MAP4K5: variants seen among roughly 807,000 people sequenced by gnomAD.
The protein encoded by MAP4K5 is MAPK/ERK kinase kinase kinase 5.
A neutral mutation model predicts 135.6 loss-of-function variants in MAP4K5; 82 were observed. The ratio of observed to expected loss-of-function variants is 0.60; its 90% CI spans 0.51 to 0.73. The LOEUF is 0.73. Ranked by LOEUF, MAP4K5 falls within the 30% of genes least tolerant of loss-of-function variation. The probability of loss-of-function intolerance (pLI) is 0.00; values close to 1 mark genes in which losing one functional copy is unlikely to be tolerated. For synonymous variants in MAP4K5, 347 were observed against 335.0 expected (o/e 1.04, Z -0.39); for missense variants, 907 against 1,010.9 (o/e 0.90, Z 1.39).
intron 3 of MAP4K5, among the ~76,000 whole-genome samples, chr14:50,498,109 G>A (rs754526957): frequency 6.6e-6 from 1 of 152,182 alleles, no homozygotes; most frequent in African/African-American, 2.4e-5. Flanking sequence ...GGCAAACTGA[G>A]CATCTGTAAA....
chr14:50,433,879 T>C (rs2036030163), intron 28 of MAP4K5, among the ~76,000 whole-genome samples: 1 of 152,214 alleles, frequency 6.6e-6, no homozygotes, highest in African/African-American at 2.4e-5. Context: ...AATGATTTGT[T>C]CTAATTTTAA....
intron 30 of MAP4K5, among the ~76,000 whole-genome samples, chr14:50,426,317 T>C (rs1387718436): frequency 6.6e-6 from 1 of 152,222 alleles, no homozygotes; most frequent in Non-Finnish European, 1.5e-5. Context: ...AAAACATATA[T>C]AACTGGGTTT....
chr14:50,447,596 A>G, intron 15 of MAP4K5, 115 bp from the exon 16 acceptor site: 1 of 624,388 alleles, frequency 1.6e-6, no homozygotes, highest in Non-Finnish European at 2.8e-6. Context: ...GCATTCAATC[A>G]ATTTTTTAAT....
intron 13 of MAP4K5, among the ~76,000 whole-genome samples, chr14:50,458,061 CA>C (rs2139788485): frequency 6.6e-6 from 1 of 152,296 alleles, no homozygotes; most frequent in African/African-American, 2.4e-5. Context: ...ACTTTGCCCA[CA>C]AACACTTCTC....
At chr14:50,424,411 C>T (rs2035799760) in intron 31 of MAP4K5, among the ~76,000 whole-genome samples, 2 of 151,934 alleles carry the variant, frequency 1.3e-5, no homozygotes, top group African/African-American at 4.8e-5. Flanking sequence ...AAAAGGTAAT[C>T]AAGACGAATT....
chr14:50,477,824 T>G (rs1016362540), intron 6 of MAP4K5, among the ~76,000 whole-genome samples: 2 of 152,204 alleles, frequency 1.3e-5, no homozygotes, highest in Non-Finnish European at 2.9e-5. Context: ...TATGATGTAT[T>G]AACTTTTAAA....
chr14:50,428,836 GATA>G, intron 29 of MAP4K5, 82 bp from the exon 30 acceptor site: 1 of 718,212 alleles, frequency 1.4e-6, no homozygotes, highest in Non-Finnish European at 2.3e-6. Flanking sequence ...ATTTTACATG[GATA>G]TCAAATAATA....
chr14:50,443,948 T>G lies in MAP4K5; in HGVS notation c.1428A>C (p.Arg476=). Residue 476 remains arginine, a synonymous_variant, in exon 19 of 33, where the codon CGA becomes CGC. Coordinates refer to ENST00000682126, the MANE Select transcript of MAP4K5 (RefSeq NM_006575.6). ...TGCCTGTTATACCTACAGGGAAGTC[T>G]CGTTTGTCCTTTTTTCGTGGTAACT... is the stretch of plus-strand genomic sequence containing the variant. ...APQLPRKKDK[R]DFPKPAINGL... is the part of the protein sequence containing the mutation. The G allele has an allele frequency of 6.2e-7, 1 of 1,606,052 alleles. No individual in the cohort carries two copies.
At chr14:50,476,380 A>G (rs1454183796) in intron 6 of MAP4K5, 74 bp from the exon 7 acceptor site, 2 of 700,500 alleles carry the variant, frequency 2.9e-6, no homozygotes, top group Non-Finnish European at 4.4e-6. Flanking sequence ...TTCTACTTAA[A>G]TTCTTATTGA....
At chr14:50,543,639 G>A (rs2038593495) in intron 1 of MAP4K5, among the ~76,000 whole-genome samples, 1 of 152,156 alleles carries the variant, frequency 6.6e-6, no homozygotes, top group Admixed American at 6.5e-5. Context: ...ATCAATCGTG[G>A]TGCTGGCTGA....
intron 3 of MAP4K5, among the ~76,000 whole-genome samples, chr14:50,488,793 G>A (rs1473308108): frequency 6.6e-6 from 1 of 152,146 alleles, no homozygotes; most frequent in Non-Finnish European, 1.5e-5. Context: ...TAAGTCAGAT[G>A]TTTGAACTCC....
chr14:50,540,093 C>T (rs909678230), intron 2 of MAP4K5, among the ~76,000 whole-genome samples: 2 of 152,192 alleles, frequency 1.3e-5, no homozygotes, highest in Non-Finnish European at 2.9e-5. Flanking sequence ...TGGGAGCCCA[C>T]ATTGAAACTG....
rs1389852042 is a variant in MAP4K5, at chr14:50,441,578, C to A, written c.1565-1137G>T. On this transcript the variant is annotated intron_variant, in intron 21 of 32. Transcript: ENST00000682126. Reference sequence around the variant, plus strand: ...TAAAAGAGACTAAATAATAAAAAATCAGCTGGGAGAGGTGATACACACCTG... The same window carrying A: ...TAAAAGAGACTAAATAATAAAAAATAAGCTGGGAGAGGTGATACACACCTG... Among the ~76,000 whole-genome samples, 6 of 152,000 alleles carry A rather than the reference C, an allele frequency of 3.9e-5. No homozygotes were observed. The South Asian group carries it at 1.0e-3, about 26-fold the overall frequency.
At chr14:50,480,717 A>G (rs2037220165) in intron 6 of MAP4K5, among the ~76,000 whole-genome samples, 1 of 152,204 alleles carries the variant, frequency 6.6e-6, no homozygotes. Context: ...TTGTGCAAGT[A>G]TCACAGAGGG....
At chr14:50,519,022 T>A (rs954662212) in intron 2 of MAP4K5, among the ~76,000 whole-genome samples, 1 of 152,180 alleles carries the variant, frequency 6.6e-6, no homozygotes, top group Admixed American at 6.5e-5. Flanking sequence ...GAAAAAAATC[T>A]GTTCAAGGAT....
intron 6 of MAP4K5, among the ~76,000 whole-genome samples, chr14:50,480,579 T>G (rs1451619299): frequency 6.6e-6 from 1 of 152,170 alleles, no homozygotes; most frequent in African/African-American, 2.4e-5. Context: ...GTCCCCGGCT[T>G]ATTTCACATA....
chr14:50,517,174 CAG>C (rs1440926712), intron 2 of MAP4K5, among the ~76,000 whole-genome samples: 1 of 144,476 alleles, frequency 6.9e-6, no homozygotes, highest in Non-Finnish European at 1.5e-5. Flanking sequence ...TTTTTTAAGA[CAG>C]AGTCTCACTC....
intron 1 of MAP4K5, among the ~76,000 whole-genome samples, chr14:50,545,899 C>G (rs943873836): frequency 1.3e-5 from 2 of 152,188 alleles, no homozygotes; most frequent in Admixed American, 6.5e-5. Context: ...CAAGAAAAAT[C>G]CAGAGCTCAA....
At chr14:50,530,986 G>T (rs1158758928) in intron 2 of MAP4K5, among the ~76,000 whole-genome samples, 2 of 152,322 alleles carry the variant, frequency 1.3e-5, no homozygotes, top group Middle Eastern at 3.4e-3. Context: ...GCGATATGCA[G>T]AAGTGTTGTT....
Sources: gnomAD v4.1 joint callset for allele counts (sites outside exome capture counted in the v4.1 genomes callset) on GRCh38, gnomAD v4.1.1 for gene constraint, MANE v1.5 for transcripts, NCBI Gene and HGNC (gene_info 2026-07-23, HGNC 2026-07-21) for gene names.